Variants in TRMT9B observed in about 807,000 individuals in gnomAD.
TRMT9B encodes tRNA methyltransferase 9B (putative), also known as probable tRNA methyltransferase 9B.
Under a neutral mutation model 11.5 loss-of-function variants are expected in TRMT9B, and 16 were observed. That is an observed-to-expected ratio of 1.39 (90% CI 0.94 to 2.11). The LOEUF is 2.11. Among genes scored for constraint, TRMT9B ranks in the 30% most tolerant of loss-of-function variants. The pLI is 0.00. For synonymous variants in TRMT9B, 274 were observed against 192.4 expected (o/e 1.42, Z -3.51); for missense variants, 941 against 553.8 (o/e 1.70, Z -7.02).
At position 12,961,353 on chromosome 8, in the gene TRMT9B, A is replaced by G. The variant is rs76213371; in HGVS notation, c.-200+15387A>G. Among the ~76,000 whole-genome samples, 502 of 151,926 alleles carry G rather than the reference A, an allele frequency of 3.3e-3. 2 individuals carry two copies. Among genetic ancestry groups the G allele is most frequent in the Non-Finnish European group, 3.0e-3 (206 of 67,960 alleles). ...CAATATTTTAATTTAAAAAAATCAT[A>G]TTTTTTTTAAAGTTAAGAAATACCT... On this transcript the variant is annotated intron_variant, in intron 1 of 4. Transcript: ENST00000524591.
intron 1 of TRMT9B, among the ~76,000 whole-genome samples, chr8:12,966,074 C>T (rs1168066003): frequency 6.6e-6 from 1 of 151,502 alleles, no homozygotes; most frequent in Admixed American, 6.6e-5. Flanking sequence ...ACCTATAATC[C>T]GAGCACTTTG....
intron 3 of TRMT9B, chr8:13,010,476 T>C (rs1427313411): frequency 4.1e-6 from 4 of 984,938 alleles, no homozygotes; most frequent in East Asian, 2.3e-4. Flanking sequence ...GTTTGATGAA[T>C]AGACAATAGT....
chr8:12,998,319 A>G lies in TRMT9B; in HGVS notation c.-2+7288A>G, dbSNP rs145562721. On this transcript the variant is annotated intron_variant, in intron 2 of 4. Transcript: ENST00000524591. ...CTCCAAGGTCATGAGGATGTTCTGTATTTTCCTCTAAAAGCTTTATTGTTC... is the reference window on the plus strand; with the variant it reads ...CTCCAAGGTCATGAGGATGTTCTGTGTTTTCCTCTAAAAGCTTTATTGTTC... 1.7e-3 allele frequency among the ~76,000 whole-genome samples: 255 copies of G among 152,252 alleles called. 1 individual carries two copies. The highest frequency in any genetic ancestry group is 5.4e-3 in the African/African-American group (226 of 41,544).
intron 2 of TRMT9B, among the ~76,000 whole-genome samples, chr8:13,001,103 C>T (rs1185121750): frequency 1.3e-5 from 2 of 152,162 alleles, no homozygotes; most frequent in African/African-American, 4.8e-5. Context: ...TTTTCTTTCC[C>T]TACAGCTACA....
chr8:13,002,793 A>G (rs752115701), intron 2 of TRMT9B, among the ~76,000 whole-genome samples: 1 of 152,186 alleles, frequency 6.6e-6, no homozygotes, highest in Admixed American at 6.5e-5. Flanking sequence ...CTCTCTCCAT[A>G]CAGGGAAGAC....
At position 13,021,547 on chromosome 8, in the gene TRMT9B, T is replaced by A. The variant is rs370876933; in HGVS notation, c.868T>A (p.Ser290Thr). The change falls in exon 5 of 5, where the codon TCT (serine) becomes ACT (threonine). Residue 290 changes from serine (S) to threonine (T), a missense_variant. Coordinates refer to ENST00000524591, the MANE Select transcript of TRMT9B (RefSeq NM_020844.3). ...STVTVQPSRH[S>T]SLDFDHQEPF... ...TGTAACAGTCCAGCCTTCCAGACAC[T>A]CTAGTTTAGACTTTGATCACCAAGA... The A allele has an allele frequency of 1.1e-4, 181 of 1,613,674 alleles. No homozygotes were observed. Among genetic ancestry groups the A allele is most frequent in the Non-Finnish European group, 1.5e-4 (177 of 1,179,830 alleles).
At chr8:12,973,573 C>A (rs1803959536) in intron 1 of TRMT9B, among the ~76,000 whole-genome samples, 1 of 152,150 alleles carries the variant, frequency 6.6e-6, no homozygotes, top group African/African-American at 2.4e-5. Context: ...TAGATGTGGG[C>A]CACGAAAGAC....
chr8:13,001,281 G>T (rs1431768580), intron 2 of TRMT9B, among the ~76,000 whole-genome samples: 1 of 152,166 alleles, frequency 6.6e-6, no homozygotes, highest in Non-Finnish European at 1.5e-5. Flanking sequence ...CCATGGACTG[G>T]TTCCCTGTAG....
intron 1 of TRMT9B, among the ~76,000 whole-genome samples, chr8:12,966,431 T>A (rs1487639780): frequency 6.6e-6 from 1 of 152,170 alleles, no homozygotes; most frequent in Non-Finnish European, 1.5e-5. Flanking sequence ...AATAAAGATG[T>A]GTTGTTTACA....
chr8:12,987,186 T>A (rs1806462758), intron 1 of TRMT9B, among the ~76,000 whole-genome samples: 1 of 152,220 alleles, frequency 6.6e-6, no homozygotes, highest in African/African-American at 2.4e-5. Flanking sequence ...ACTAGCTATG[T>A]AACTTTGGGA....
rs533617391 is a variant in TRMT9B at position 12,963,869 on chromosome 8, T to C, written c.-200+17903T>C. On this transcript the variant is annotated intron_variant, in intron 1 of 4. Coordinates refer to ENST00000524591, the MANE Select transcript of TRMT9B (RefSeq NM_020844.3). ...TAAACTAGGCTGCAGCGTGGCATGA[T>C]AGATCTGTGGACATGTGGAATCAGC... 1.2e-4 allele frequency among the ~76,000 whole-genome samples: 18 copies of C among 152,350 alleles called. No homozygotes were observed. In the South Asian group the frequency reaches 3.7e-3, roughly 32 times the overall value.
rs1346123139 is a variant in TRMT9B at position 13,022,816 on chromosome 8, A to AC, written c.*776dup. 3.6e-5 allele frequency: 6 copies of AC among 165,304 alleles called. No individual in the cohort carries two copies. The highest frequency in any genetic ancestry group is 8.8e-5 in the Non-Finnish European group (6 of 68,114). The allele number at this position is 165,304 out of a possible 1,614,324, so 10.2% of individuals were successfully genotyped here. A position where few individuals can be genotyped will look rare whatever the true frequency, so the allele number is the denominator to read the frequency against. On this transcript the variant is annotated 3_prime_UTR_variant, in exon 5 of 5. Transcript: ENST00000524591. ...AGAATAGCCTGGGCAACATAGCAAG[A>AC]CCCCATCTCTATAAAAATTAGCAAG...
intron 2 of TRMT9B, among the ~76,000 whole-genome samples, chr8:13,005,212 A>C (rs1380436434): frequency 6.6e-6 from 1 of 152,146 alleles, no homozygotes; most frequent in Admixed American, 6.6e-5. Context: ...ATATGTTCTC[A>C]CTTATTTGTG....
At chr8:12,986,456 A>C (rs551844789) in intron 1 of TRMT9B, among the ~76,000 whole-genome samples, 1 of 152,360 alleles carries the variant, frequency 6.6e-6, no homozygotes, top group Admixed American at 6.5e-5. Flanking sequence ...ACATATGTTC[A>C]CACAGCTCAT....
chr8:12,984,654 C>G (rs1371291079), intron 1 of TRMT9B, among the ~76,000 whole-genome samples: 1 of 152,116 alleles, frequency 6.6e-6, no homozygotes, highest in East Asian at 1.9e-4. Context: ...GGACCTATTG[C>G]TTTTATCTCA....
chr8:13,020,157 A>G (rs1038511836), intron 4 of TRMT9B, among the ~76,000 whole-genome samples: 8 of 152,174 alleles, frequency 5.3e-5, no homozygotes, highest in Admixed American at 2.6e-4. Flanking sequence ...CTCTGCCCTC[A>G]CAGCTCATAT....
At chr8:12,954,003 G>C (rs932518267) in intron 1 of TRMT9B, among the ~76,000 whole-genome samples, 17 of 152,154 alleles carry the variant, frequency 1.1e-4, no homozygotes, top group African/African-American at 3.9e-4. Flanking sequence ...CTTTGGAAAT[G>C]TGCCTTTTTG....
In TRMT9B at chr8:13,029,711, T is replaced by C. The variant is rs146151723; in HGVS notation, c.*7667T>C. 6.5e-6 allele frequency: 1 copy of C among 153,398 alleles called. No homozygotes were observed. The highest frequency in any genetic ancestry group is 1.9e-4 in the East Asian group (1 of 5,188). 9.5% of individuals were successfully genotyped at this position (153,398 alleles called of 1,614,324 possible). On this transcript the variant is annotated 3_prime_UTR_variant, in exon 5 of 5. Coordinates refer to ENST00000524591, the MANE Select transcript of TRMT9B (RefSeq NM_020844.3). ...ATAATAGATTATCTTTAATGGTTAT[T>C]AAAAGAATGTTATTGACCAAAAAGA...
chr8:12,948,182 G>A (rs955629986), intron 1 of TRMT9B, among the ~76,000 whole-genome samples: 4 of 152,094 alleles, frequency 2.6e-5, no homozygotes, highest in African/African-American at 4.8e-5. Context: ...AATGTGCTCA[G>A]AACACTTACA....
Sources: gnomAD v4.1 joint callset for allele counts (sites outside exome capture counted in the v4.1 genomes callset) on GRCh38, gnomAD v4.1.1 for gene constraint, MANE v1.5 for transcripts, NCBI Gene and HGNC (gene_info 2026-07-23, HGNC 2026-07-21) for gene names.